The following ZBTB45 variants were observed in gnomAD, a reference collection of about 807,000 sequenced individuals.
The protein encoded by ZBTB45 is zinc finger and BTB domain containing 45.
A neutral mutation model predicts 28.4 loss-of-function variants in ZBTB45; 22 were observed. The ratio of observed to expected loss-of-function variants is 0.77; its 90% CI spans 0.55 to 1.10. The LOEUF is 1.10. ZBTB45 is among the 50% of genes least tolerant of loss of function. The pLI, the probability that ZBTB45 is intolerant of heterozygous loss-of-function variation, is 0.00. For synonymous variants in ZBTB45, 361 were observed against 332.3 expected (o/e 1.09, Z -0.94); for missense variants, 656 against 750.2 (o/e 0.87, Z 1.47).
intron 2 of ZBTB45, among the ~76,000 whole-genome samples, chr19:58,514,811 G>A (rs2053469763): frequency 6.6e-6 from 1 of 152,054 alleles, no homozygotes; most frequent in South Asian, 2.1e-4. Flanking sequence ...CCTCGCCTAT[G>A]CCCATAGAGT....
intron 1 of ZBTB45, among the ~76,000 whole-genome samples, chr19:58,529,525 C>G (rs1229761956): frequency 6.6e-6 from 1 of 152,188 alleles, no homozygotes; most frequent in Non-Finnish European, 1.5e-5. Context: ...AATTTCCTCA[C>G]TACAAAATAA....
chr19:58,528,321 G>A (rs192699716), intron 1 of ZBTB45, among the ~76,000 whole-genome samples: 2 of 152,002 alleles, frequency 1.3e-5, no homozygotes, highest in Non-Finnish European at 2.9e-5. Flanking sequence ...GCTCCACACC[G>A]CCTCGTGTTG....
At chr19:58,519,250 C>T (rs934064758) in intron 1 of ZBTB45, 3 of 152,400 alleles carry the variant, frequency 2.0e-5, no homozygotes, top group African/African-American at 4.8e-5. Flanking sequence ...AGCACCGCCC[C>T]ATCTGTATTC....
chr19:58,520,731 T>A (rs2053570026), upstream of ZBTB45, among the ~76,000 whole-genome samples: 1 of 152,076 alleles, frequency 6.6e-6, no homozygotes, highest in South Asian at 2.1e-4. Flanking sequence ...GCTGAGAATC[T>A]GAGAAGAGCT....
rs1426038804 is a variant in ZBTB45 at position 58,514,248 on chromosome 19, T to C, written c.1342A>G (p.Lys448Glu). 6.2e-7 allele frequency: 1 copy of C among 1,612,226 alleles called. No homozygotes were observed. Among genetic ancestry groups the C allele is most frequent in the Non-Finnish European group, 8.5e-7 (1 of 1,179,368 alleles). ...ACGCCGGTGTGCGTGACCATGTGTT[T>C]GAGCAGGTAGTCGCGTAGAGAGAAG... ...RSFSLRDYLL[K>E]HMVTHTGVRA... is the part of the protein sequence containing the mutation. Residue 448 changes from lysine to glutamate, a missense_variant, in exon 3 of 3, where the codon AAA becomes GAA. Around this residue, in one of 3 missense-constraint regions of ZBTB45, gnomAD observed 103 missense variants for 153.5 expected, o/e 0.67. Coordinates refer to ENST00000594051, the MANE Select transcript of ZBTB45 (RefSeq NM_001316979.2).
intron 1 of ZBTB45, among the ~76,000 whole-genome samples, chr19:58,534,140 A>G (rs1294607467): frequency 6.6e-6 from 1 of 152,166 alleles, no homozygotes; most frequent in Non-Finnish European, 1.5e-5. Context: ...ATCTCTACAT[A>G]TCATAAGCCT....
At chr19:58,534,681 C>T (rs577160715) in intron 1 of ZBTB45, among the ~76,000 whole-genome samples, 122 of 151,866 alleles carry the variant, frequency 8.0e-4, no homozygotes, top group African/African-American at 2.7e-3. Flanking sequence ...CTCAGCCTCC[C>T]GAGTACCTGG....
At chr19:58,529,620 A>T (rs1221730659) in intron 1 of ZBTB45, among the ~76,000 whole-genome samples, 2 of 152,284 alleles carry the variant, frequency 1.3e-5, no homozygotes, top group Non-Finnish European at 2.9e-5. Context: ...GGATTTTTTT[A>T]AATTATACTT....
At chr19:58,522,600 A>C (rs1847874715), upstream of ZBTB45, among the ~76,000 whole-genome samples, 1 of 152,018 alleles carries the variant, frequency 6.6e-6, no homozygotes, top group Non-Finnish European at 1.5e-5. Context: ...GTACCATTGC[A>C]CTCCAGCCTG....
At chr19:58,534,409 T>A (rs888954896) in intron 1 of ZBTB45, among the ~76,000 whole-genome samples, 19 of 151,958 alleles carry the variant, frequency 1.3e-4, no homozygotes, top group Admixed American at 2.0e-4. Context: ...TATTATTATT[T>A]TTTGAGACAG....
intron 1 of ZBTB45, among the ~76,000 whole-genome samples, chr19:58,536,558 G>C (rs1439028950): frequency 6.6e-6 from 1 of 151,836 alleles, no homozygotes; most frequent in Non-Finnish European, 1.5e-5. Context: ...CAGGAGAATC[G>C]CTTGAACTCA....
At chr19:58,530,673 TTTTC>T (rs975346194) in intron 1 of ZBTB45, among the ~76,000 whole-genome samples, 27 of 150,870 alleles carry the variant, frequency 1.8e-4, no homozygotes, top group Admixed American at 2.0e-4. Flanking sequence ...TGAACATCTG[TTTTC>T]TTTCTTTTTT....
intron 1 of ZBTB45, among the ~76,000 whole-genome samples, chr19:58,529,489 C>A (rs1232580662): frequency 6.6e-6 from 1 of 152,184 alleles, no homozygotes; most frequent in Non-Finnish European, 1.5e-5. Context: ...TGGTGTACAA[C>A]CACCTCCTCC....
At chr19:58,532,167 T>G (rs1043524834) in intron 1 of ZBTB45, among the ~76,000 whole-genome samples, 17 of 152,180 alleles carry the variant, frequency 1.1e-4, no homozygotes, top group Non-Finnish European at 4.4e-5. Flanking sequence ...CCTTCTACTC[T>G]CTGGGAATGT....
In ZBTB45 at chr19:58,517,107, C is replaced by T. The variant is rs1363716912; in HGVS notation, c.567G>A (p.Lys189=). 6.2e-7 allele frequency: 1 copy of T among 1,613,044 alleles called. No homozygotes were observed. The highest frequency in any genetic ancestry group is 8.5e-7 in the Non-Finnish European group (1 of 1,179,918). The part of the protein sequence containing the change: ...LQLPAPPTPA[K]AEGPDADPSL... The stretch of plus-strand genomic sequence containing the variant: ...AGGGGTCAGCATCAGGCCCCTCAGC[C>T]TTGGCAGGTGTTGGGGGCGCTGGCA... Residue 189 remains lysine (K), a synonymous_variant, in exon 2 of 3, where the codon AAG becomes AAA. Coordinates refer to ENST00000594051, the MANE Select transcript of ZBTB45 (RefSeq NM_001316979.2).
chr19:58,536,175 A>C (rs1379407491), intron 1 of ZBTB45, among the ~76,000 whole-genome samples: 1 of 152,032 alleles, frequency 6.6e-6, no homozygotes, highest in Non-Finnish European at 1.5e-5. Flanking sequence ...TACTAAGAAT[A>C]CAAAAATTGG....
chr19:58,516,937 G>C lies in ZBTB45; in HGVS notation c.737C>G (p.Thr246Ser). ...CTCGCACGCGCTGTCAGCAGCAGCA[G>C]TGAGGAAGCCAGCAGCACAGTCTGG... ...SFPDCAAGFL[T>S]AAADSACEEP... The change falls in exon 2 of 3, where the codon ACT (threonine) becomes AGT (serine). Residue 246 changes from threonine to serine, a missense_variant. This residue lies in a region of ZBTB45 where 448 missense variants were observed against 444.3 expected (regional missense o/e 1.01). Coordinates refer to ENST00000594051, the MANE Select transcript of ZBTB45 (RefSeq NM_001316979.2). This position sits in a 1 kb window ranked among gnomAD's most constrained non-coding sequence, Gnocchi z 6.2. The C allele has an allele frequency of 6.2e-7, 1 of 1,613,310 alleles. No homozygotes were observed. The highest frequency in any genetic ancestry group is 8.5e-7 in the Non-Finnish European group (1 of 1,180,008).
chr19:58,524,488 C>T (rs1377331030), upstream of ZBTB45, among the ~76,000 whole-genome samples: 1 of 137,312 alleles, frequency 7.3e-6, no homozygotes, highest in Admixed American at 7.7e-5. Flanking sequence ...AACCCAAAGA[C>T]CTTAACCCTG....
At position 58,515,882 on chromosome 19, in the gene ZBTB45, ACTAC is replaced by A. The variant is rs1331783554; in HGVS notation, c.1279+509_1279+512del. Among the ~76,000 whole-genome samples the A allele has an allele frequency of 1.3e-5, 2 of 151,870 alleles. No individual in the cohort carries two copies. Among genetic ancestry groups the A allele is most frequent in the African/African-American group, 4.8e-5 (2 of 41,326 alleles). ...TCCTCTGCAGCTGTGGAGTCCCCAC[ACTAC>A]CTATGTTTTCCTACTCATGCCCCAG... On this transcript the variant is annotated intron_variant, in intron 2 of 2. Coordinates refer to ENST00000594051, the MANE Select transcript of ZBTB45 (RefSeq NM_001316979.2). The surrounding 1 kb of genome is among the most constrained non-coding windows in gnomAD (Gnocchi z 4.7).
Sources: gnomAD v4.1 joint callset for allele counts (sites outside exome capture counted in the v4.1 genomes callset) on GRCh38, gnomAD v4.1.1 for gene constraint, gnomAD v4.1.1 regional missense constraint, Gnocchi (gnomAD v3.1) non-coding constraint, MANE v1.5 for transcripts, NCBI Gene and HGNC (gene_info 2026-07-23, HGNC 2026-07-21) for gene names.